The following SLC41A2 variants were observed in gnomAD, a reference collection of about 807,000 sequenced individuals.
The protein encoded by SLC41A2 is solute carrier family 41 member 2, also known as SLC41A1-like 1.
SLC41A2 carries 32 observed loss-of-function variants against 58.3 expected under a neutral mutation model. The observed-to-expected ratio is 0.55, with a 90% CI of 0.41 to 0.74. The LOEUF is 0.74. Ranked by LOEUF, SLC41A2 falls within the 30% of genes least tolerant of loss-of-function variation. SLC41A2 has a pLI of 0.00. For missense variants in SLC41A2, 514 were observed against 680.6 expected, an observed-to-expected ratio of 0.76 and a Z score of 2.72; for synonymous variants, 190 against 235.0, an observed-to-expected ratio of 0.81 and a Z score of 1.75.
intron 2 of SLC41A2, among the ~76,000 whole-genome samples, chr12:104,926,956 C>T (rs1176149175): frequency 6.6e-6 from 1 of 151,864 alleles, no homozygotes; most frequent in Non-Finnish European, 1.5e-5. Flanking sequence ...AGGTGTAGTG[C>T]GCCTGTAGTA....
intron 1 of SLC41A2, among the ~76,000 whole-genome samples, chr12:104,934,137 A>T (rs1333237425): frequency 1.3e-5 from 2 of 152,212 alleles, no homozygotes; most frequent in African/African-American, 4.8e-5. Flanking sequence ...ACAAAATTTA[A>T]ATCATTTGTT....
chr12:104,937,028 T>C (rs2047311393), intron 1 of SLC41A2, among the ~76,000 whole-genome samples: 1 of 152,216 alleles, frequency 6.6e-6, no homozygotes, highest in African/African-American at 2.4e-5. Context: ...GGAGTTTTCC[T>C]TGAGTCCAGG....
rs754690768 is a variant in SLC41A2, at chr12:104,825,316, A to AG, written c.1536+19155dup. 1.3e-4 allele frequency among the ~76,000 whole-genome samples: 20 copies of AG among 152,116 alleles called. No individual in the cohort carries two copies. In the East Asian group the frequency reaches 1.4e-3, roughly 10 times the overall value. On this transcript the variant is annotated intron_variant, in intron 10 of 10. Coordinates refer to ENST00000258538, the MANE Select transcript of SLC41A2 (RefSeq NM_001352171.3). ...GCAAAAGCCAAACCCAACAGTCACAAGGGGGGCAGGAGAAAACCAGTGGTA... is the reference window on the plus strand; with the variant it reads ...GCAAAAGCCAAACCCAACAGTCACAAGGGGGGGCAGGAGAAAACCAGTGGTA...
intron 10 of SLC41A2, among the ~76,000 whole-genome samples, chr12:104,835,527 A>G (rs918211746): frequency 1.3e-5 from 2 of 152,132 alleles, no homozygotes; most frequent in South Asian, 4.1e-4. Flanking sequence ...GGCATTTTCT[A>G]TGGATTCCAA....
At position 104,802,258 on chromosome 12, in the gene SLC41A2, A is replaced by G. The variant is rs1486696127; in HGVS notation, c.*2894T>C. On this transcript the variant is annotated 3_prime_UTR_variant, in exon 11 of 11. Coordinates refer to ENST00000258538, the MANE Select transcript of SLC41A2 (RefSeq NM_001352171.3). ...AAATAAAGTGGCTGATAAATTAGTGAAAAGGAAGAAGTTTGGAAAGCAGAA... is the reference window on the plus strand; with the variant it reads ...AAATAAAGTGGCTGATAAATTAGTGGAAAGGAAGAAGTTTGGAAAGCAGAA... Among the ~76,000 whole-genome samples, 1 of 152,186 alleles carries G rather than the reference A, an allele frequency of 6.6e-6. No individual in the cohort carries two copies. The highest frequency in any genetic ancestry group is 2.4e-5 in the African/African-American group (1 of 41,464).
At chr12:104,957,871 G>A (rs1313913517) in intron 1 of SLC41A2, among the ~76,000 whole-genome samples, 2 of 152,052 alleles carry the variant, frequency 1.3e-5, no homozygotes, top group Non-Finnish European at 2.9e-5. Context: ...TCAGCCCGAG[G>A]TGGGGCAGGC....
chr12:104,931,939 G>A (rs1229389395), intron 1 of SLC41A2: 1 of 152,198 alleles, frequency 6.6e-6, no homozygotes. Context: ...GCTACTCTGA[G>A]TGGTGTTTCT....
intron 1 of SLC41A2, among the ~76,000 whole-genome samples, chr12:104,950,783 CCCACTGGGTCCCCATATTACCCAACT>C (rs1440883994): frequency 6.6e-6 from 1 of 152,162 alleles, no homozygotes; most frequent in African/African-American, 2.4e-5. Flanking sequence ...CTGGTTTCCA[CCCACTGGGTCCCCATATTACCCAACT>C]TGAGAAGACC....
chr12:104,866,668 G>T, intron 6 of SLC41A2, 89 bp from the exon 7 acceptor site: 1 of 1,083,944 alleles, frequency 9.2e-7, no homozygotes, highest in East Asian at 2.5e-5. Context: ...TTACTAGAAG[G>T]TACGACACTA....
At chr12:104,841,881 A>G (rs554767262) in intron 10 of SLC41A2, among the ~76,000 whole-genome samples, 37 of 152,232 alleles carry the variant, frequency 2.4e-4, no homozygotes, top group African/African-American at 8.4e-4. Flanking sequence ...ACCAAAGGGA[A>G]AGGCATGGTC....
chr12:104,941,377 A>G (rs1472003631), intron 1 of SLC41A2, among the ~76,000 whole-genome samples: 1 of 152,192 alleles, frequency 6.6e-6, no homozygotes, highest in Non-Finnish European at 1.5e-5. Flanking sequence ...AGAATAATGG[A>G]TCCATTGAAT....
chr12:104,936,825 T>C (rs1306931691), intron 1 of SLC41A2, among the ~76,000 whole-genome samples: 2 of 152,056 alleles, frequency 1.3e-5, no homozygotes, highest in African/African-American at 4.8e-5. Flanking sequence ...AAACAAAAAT[T>C]GAAAAAAGTA....
intron 10 of SLC41A2, among the ~76,000 whole-genome samples, chr12:104,844,128 A>G (rs1009004133): frequency 1.4e-4 from 22 of 152,194 alleles, no homozygotes; most frequent in African/African-American, 5.3e-4. Context: ...AGCCAAAATA[A>G]AACTAGAACC....
intron 10 of SLC41A2, among the ~76,000 whole-genome samples, chr12:104,839,510 T>TC (rs2042331257): frequency 6.7e-6 from 1 of 149,582 alleles, no homozygotes; most frequent in East Asian, 1.9e-4. Flanking sequence ...CTTTTTTTTT[T>TC]CTTTTTTTTT....
intron 10 of SLC41A2, among the ~76,000 whole-genome samples, chr12:104,811,036 CATAGAA>C (rs1171161553): frequency 2.6e-5 from 4 of 152,158 alleles, no homozygotes; most frequent in Admixed American, 2.6e-4. Context: ...AGCAATCCTA[CATAGAA>C]ATAATGATTT....
intron 3 of SLC41A2, among the ~76,000 whole-genome samples, chr12:104,908,461 T>C (rs536602947): frequency 1.3e-5 from 2 of 152,334 alleles, no homozygotes; most frequent in African/African-American, 4.8e-5. Context: ...CATTTCTTGA[T>C]TACCTTTAGA....
chr12:104,896,961 T>C (rs1473163634), intron 3 of SLC41A2, among the ~76,000 whole-genome samples: 1 of 152,140 alleles, frequency 6.6e-6, no homozygotes, highest in East Asian at 1.9e-4. Flanking sequence ...AATGCATGCA[T>C]GGCTTTCTTT....
intron 10 of SLC41A2, among the ~76,000 whole-genome samples, chr12:104,829,103 A>C (rs2136273753): frequency 6.6e-6 from 1 of 152,334 alleles, no homozygotes; most frequent in East Asian, 1.9e-4. Context: ...GTTTCTTATA[A>C]AGTTAAACAT....
chr12:104,889,410 G>A (rs904500105), intron 4 of SLC41A2, among the ~76,000 whole-genome samples: 8 of 152,134 alleles, frequency 5.3e-5, no homozygotes, highest in African/African-American at 1.9e-4. Flanking sequence ...CCAGGAATCT[G>A]TTTTTAACAA....
Sources: allele counts gnomAD v4.1 joint callset (sites outside exome capture counted in the v4.1 genomes callset), GRCh38; gene constraint gnomAD v4.1.1; transcripts MANE v1.5; gene names NCBI Gene and HGNC (gene_info 2026-07-23, HGNC 2026-07-21).